CNTLN: variants seen among roughly 807,000 people sequenced by gnomAD.
The protein encoded by CNTLN is centlein.
A neutral mutation model predicts 180.0 loss-of-function variants in CNTLN; 212 were observed. The observed-to-expected ratio is 1.18, with a 90% CI of 1.05 to 1.32. CNTLN has a LOEUF of 1.32. Ranked by LOEUF, CNTLN falls within the 40% of genes most tolerant of loss-of-function variation. CNTLN has a pLI of 0.00. For synonymous variants in CNTLN, 722 were observed against 563.1 expected, an observed-to-expected ratio of 1.28 and a Z score of -3.99; for missense variants, 2,095 against 1,610.9, an observed-to-expected ratio of 1.30 and a Z score of -5.14.
chr9:17,490,972 A>G (rs1170233469), intron 25 of CNTLN, among the ~76,000 whole-genome samples: 1 of 152,048 alleles, frequency 6.6e-6, no homozygotes, highest in Non-Finnish European at 1.5e-5. Context: ...TTGGCACATA[A>G]GGAGATGTAC....
At chr9:17,499,152 G>A (rs1833611734) in intron 25 of CNTLN, among the ~76,000 whole-genome samples, 1 of 152,162 alleles carries the variant, frequency 6.6e-6, no homozygotes, top group Admixed American at 6.5e-5. Context: ...TCCAAGGCAT[G>A]TTGTATTTTA....
rs904673609 is a variant in CNTLN at position 17,315,936 on chromosome 9, G to A, written c.1341+6684G>A. Reference sequence around the variant, plus strand: ...TGAATTTTTCCAACCATACTTGTAGGTTTGTCTATTTCTCCTTTCTGTTCT... The same window carrying A: ...TGAATTTTTCCAACCATACTTGTAGATTTGTCTATTTCTCCTTTCTGTTCT... On this transcript the variant is annotated intron_variant, in intron 8 of 25. Transcript: ENST00000380647. Among the ~76,000 whole-genome samples the A allele has an allele frequency of 4.5e-5, 6 of 132,922 alleles. No homozygotes were observed. In the Admixed American group the frequency reaches 4.8e-4, roughly 11 times the overall value. 87.2% of individuals were successfully genotyped at this position (132,922 alleles called of 152,430 possible). A position where few individuals can be genotyped will look rare whatever the true frequency, so the allele number is the denominator to read the frequency against.
At position 17,348,149 on chromosome 9, in the gene CNTLN, C is replaced by T. The variant is rs115950087; in HGVS notation, c.1886+5705C>T. Among the ~76,000 whole-genome samples, 442 of 152,082 alleles carry T rather than the reference C, an allele frequency of 2.9e-3. 5 individuals are homozygous for T. The highest frequency in any genetic ancestry group is 9.3e-3 in the African/African-American group (385 of 41,480). ...CCCACCAAAACCCATTTTATGATAACGCACTGAGTATGTCGTACGTCACTT... is the reference window on the plus strand; with the variant it reads ...CCCACCAAAACCCATTTTATGATAATGCACTGAGTATGTCGTACGTCACTT... On this transcript the variant is annotated intron_variant, in intron 12 of 25. Coordinates refer to ENST00000380647, the MANE Select transcript of CNTLN (RefSeq NM_017738.4).
intron 2 of CNTLN, among the ~76,000 whole-genome samples, chr9:17,180,266 G>A (rs112741527): frequency 0.019 from 2,747 of 145,124 alleles, 36 homozygotes; most frequent in Non-Finnish European, 0.027. Flanking sequence ...CTATTGGAAC[G>A]CATTTTAGAA....
intron 2 of CNTLN, among the ~76,000 whole-genome samples, chr9:17,194,408 A>G (rs2131830090): frequency 6.6e-6 from 1 of 152,330 alleles, no homozygotes; most frequent in South Asian, 2.1e-4. Flanking sequence ...CTCCTGCCAG[A>G]TACCCTAAAT....
chr9:17,279,840 TTCATGAATGAATTAATCCAATTC>T (rs1395683699), intron 6 of CNTLN, among the ~76,000 whole-genome samples: 3 of 151,854 alleles, frequency 2.0e-5, no homozygotes, highest in Non-Finnish European at 4.4e-5. Context: ...GGGCTCTGCC[TTCATGAATGAATTAATCCAATTC>T]TCATGAATGA....
chr9:17,149,388 G>A (rs771910516), intron 2 of CNTLN, among the ~76,000 whole-genome samples: 2 of 151,856 alleles, frequency 1.3e-5, no homozygotes, highest in Non-Finnish European at 1.5e-5. Context: ...TTGAGGAATC[G>A]CCACACTATC....
At chr9:17,202,284 G>C (rs1016677101) in intron 2 of CNTLN, among the ~76,000 whole-genome samples, 1 of 152,180 alleles carries the variant, frequency 6.6e-6, no homozygotes, top group African/African-American at 2.4e-5. Context: ...TAAATGTAAT[G>C]TGGTGCTGAG....
intron 5 of CNTLN, among the ~76,000 whole-genome samples, chr9:17,240,955 T>C (rs1160317922): frequency 6.6e-6 from 1 of 151,996 alleles, no homozygotes; most frequent in Non-Finnish European, 1.5e-5. Context: ...GCCTCCCGGG[T>C]TCATGCCATT....
chr9:17,502,258 G>A (rs935987864), intron 25 of CNTLN, among the ~76,000 whole-genome samples: 3 of 152,158 alleles, frequency 2.0e-5, no homozygotes, highest in African/African-American at 4.8e-5. Context: ...GAAGATAAAT[G>A]GCTTAGCTGC....
chr9:17,302,146 C>G (rs1818412966), intron 7 of CNTLN: 2 of 972,108 alleles, frequency 2.1e-6, no homozygotes, highest in African/African-American at 1.8e-5. Flanking sequence ...ACCTATCCAC[C>G]CAGGGAAGAC....
intron 13 of CNTLN, among the ~76,000 whole-genome samples, chr9:17,367,439 G>C (rs1044340262): frequency 6.6e-6 from 1 of 152,016 alleles, no homozygotes; most frequent in East Asian, 1.9e-4. Flanking sequence ...CAACTCCTAG[G>C]CAAGCCCTAG....
chr9:17,264,800 C>A (rs1013249666), intron 5 of CNTLN, among the ~76,000 whole-genome samples: 9 of 151,910 alleles, frequency 5.9e-5, no homozygotes, highest in African/African-American at 2.2e-4. Context: ...CTCTTTGAAG[C>A]GATTGTGAAT....
chr9:17,474,324 T>C (rs1832212764), intron 23 of CNTLN, among the ~76,000 whole-genome samples: 1 of 152,170 alleles, frequency 6.6e-6, no homozygotes, highest in African/African-American at 2.4e-5. Flanking sequence ...AGAACAATAT[T>C]TTCACTAGTC....
At chr9:17,336,476 T>C (rs928006078) in intron 10 of CNTLN, among the ~76,000 whole-genome samples, 2 of 152,188 alleles carry the variant, frequency 1.3e-5, no homozygotes, top group Non-Finnish European at 2.9e-5. Context: ...AATGCATGAT[T>C]TACACTTTGA....
chr9:17,179,261 A>AAAAAAAAAAAAAG lies in CNTLN; in HGVS notation c.449+35887_449+35888insAAAAAAAAAAGAA, dbSNP rs762439606. 8.3e-4 allele frequency among the ~76,000 whole-genome samples: 115 copies of AAAAAAAAAAAAAG among 138,626 alleles called. 1 individual carries two copies. Among genetic ancestry groups the AAAAAAAAAAAAAG allele is most frequent in the African/African-American group, 3.2e-3 (104 of 32,900 alleles). 90.9% of individuals were successfully genotyped at this position (138,626 alleles called of 152,430 possible). ...TCCGTCTCAAAAAAAAAAAAAAAAA[A>AAAAAAAAAAAAAG]AAGAAGAAGTGTAGATTATTGATTT... On this transcript the variant is annotated intron_variant, in intron 2 of 25. Coordinates refer to ENST00000380647, the MANE Select transcript of CNTLN (RefSeq NM_017738.4).
chr9:17,295,848 C>A (rs1712534989), intron 6 of CNTLN, among the ~76,000 whole-genome samples: 1 of 151,952 alleles, frequency 6.6e-6, no homozygotes, highest in Non-Finnish European at 1.5e-5. Flanking sequence ...TCCTTCAATT[C>A]CACTTATTGA....
intron 25 of CNTLN, among the ~76,000 whole-genome samples, chr9:17,492,335 T>G (rs548341466): frequency 1.3e-5 from 2 of 152,238 alleles, no homozygotes; most frequent in South Asian, 4.1e-4. Context: ...ATATATATTC[T>G]TGTGCTATAA....
At chr9:17,373,241 A>G (rs1824474842) in intron 13 of CNTLN, among the ~76,000 whole-genome samples, 1 of 152,106 alleles carries the variant, frequency 6.6e-6, no homozygotes, top group Non-Finnish European at 1.5e-5. Context: ...AAGAGTCCAT[A>G]AAAAAACTAT....
Sources: allele counts gnomAD v4.1 joint callset (sites outside exome capture counted in the v4.1 genomes callset), GRCh38; gene constraint gnomAD v4.1.1; transcripts MANE v1.5; gene names NCBI Gene and HGNC (gene_info 2026-07-23, HGNC 2026-07-21).